Variants in SHANK2 observed in about 807,000 individuals in gnomAD.
SHANK2 encodes the protein SH3 and multiple ankyrin repeat domains protein 2.
SHANK2 carries 43 observed loss-of-function variants against 133.7 expected under a neutral mutation model. The ratio of observed to expected loss-of-function variants is 0.32; its 90% CI spans 0.25 to 0.41. SHANK2 has a LOEUF of 0.41. SHANK2 is among the 10% of genes least tolerant of loss of function. The probability of loss-of-function intolerance (pLI) is 1.00; values close to 1 mark genes in which losing one functional copy is unlikely to be tolerated. For missense variants in SHANK2, 1,994 were observed against 2,235.8 expected, an observed-to-expected ratio of 0.89 and a Z score of 2.18; for synonymous variants, 1,017 against 952.8, an observed-to-expected ratio of 1.07 and a Z score of -1.24.
intron 17 of SHANK2, among the ~76,000 whole-genome samples, chr11:70,558,737 C>T (rs965959233): frequency 1.3e-5 from 2 of 152,136 alleles, no homozygotes; most frequent in Non-Finnish European, 2.9e-5. Flanking sequence ...CAGGACTGTG[C>T]ACACCTGAGC....
At chr11:70,939,239 C>T (rs899825217) in intron 10 of SHANK2, among the ~76,000 whole-genome samples, 5 of 152,102 alleles carry the variant, frequency 3.3e-5, no homozygotes, top group Non-Finnish European at 7.4e-5. Flanking sequence ...TGTTGGGAGG[C>T]CAAGGCGGGC....
intron 10 of SHANK2, among the ~76,000 whole-genome samples, chr11:70,922,779 G>A (rs1950369340): frequency 6.6e-6 from 1 of 152,104 alleles, no homozygotes; most frequent in Admixed American, 6.6e-5. Context: ...AAGTGAGCAA[G>A]TAATAAAGAA....
chr11:70,955,422 GGTGTGTGTGTGTGT>G (rs1186144718), intron 10 of SHANK2, among the ~76,000 whole-genome samples: 3 of 146,564 alleles, frequency 2.0e-5, no homozygotes, highest in East Asian at 2.0e-4. Flanking sequence ...AGACCCACGG[GGTGTGTGTGTGTGT>G]GTGTGTGTGT....
chr11:71,250,251 T>C (rs1555125629), intron 1 of SHANK2, among the ~76,000 whole-genome samples: 2 of 152,110 alleles, frequency 1.3e-5, no homozygotes, highest in Non-Finnish European at 2.9e-5. Context: ...CCAACCTCCT[T>C]CCAAAGGGAC....
chr11:70,601,061 A>G (rs1591634304), intron 17 of SHANK2, among the ~76,000 whole-genome samples: 1 of 144,344 alleles, frequency 6.9e-6, no homozygotes, highest in African/African-American at 2.5e-5. Context: ...CTATATCTAT[A>G]TCTATATTTG....
At chr11:70,923,993 A>G (rs1299877378) in intron 10 of SHANK2, among the ~76,000 whole-genome samples, 1 of 152,204 alleles carries the variant, frequency 6.6e-6, no homozygotes, top group East Asian at 1.9e-4. Context: ...GAGACACTGC[A>G]GTGAGCCCCG....
At chr11:70,628,803 T>C (rs1255470437) in intron 17 of SHANK2, among the ~76,000 whole-genome samples, 1 of 152,130 alleles carries the variant, frequency 6.6e-6, no homozygotes, top group Non-Finnish European at 1.5e-5. Flanking sequence ...ACTGAGTGTC[T>C]AGGAAGAGTC....
intron 17 of SHANK2, among the ~76,000 whole-genome samples, chr11:70,593,832 C>T (rs1330811808): frequency 2.6e-5 from 4 of 152,258 alleles, no homozygotes; most frequent in East Asian, 1.9e-4. Context: ...TTCCTTCGTT[C>T]GTTCGTTCAT....
intron 6 of SHANK2, among the ~76,000 whole-genome samples, chr11:71,101,379 C>G (rs935306305): frequency 2.9e-4 from 44 of 152,296 alleles, no homozygotes; most frequent in African/African-American, 1.0e-3. Context: ...CATAGAAAAA[C>G]CCTGAAAGAA....
chr11:70,589,589 C>CT (rs35775502), intron 17 of SHANK2, among the ~76,000 whole-genome samples: 117,941 of 152,122 alleles, frequency 0.78, 45,926 homozygotes, highest in East Asian at 0.93. Flanking sequence ...ACTTTCAAGC[C>CT]TCATATTTAA....
intron 3 of SHANK2, among the ~76,000 whole-genome samples, chr11:71,125,687 G>A (rs113537469): frequency 0.015 from 2,258 of 152,276 alleles, 56 homozygotes; most frequent in African/African-American, 0.051. Flanking sequence ...AGAAGATCTC[G>A]CTCAGATCAT....
chr11:70,764,935 G>A (rs797040635), intron 14 of SHANK2, among the ~76,000 whole-genome samples: 1 of 152,244 alleles, frequency 6.6e-6, no homozygotes, highest in Non-Finnish European at 1.5e-5. Flanking sequence ...ATCAGAGAGG[G>A]TGTTACATAT....
At chr11:70,527,706 T>C (rs2059417499) in intron 17 of SHANK2, among the ~76,000 whole-genome samples, 1 of 152,152 alleles carries the variant, frequency 6.6e-6, no homozygotes, top group Admixed American at 6.5e-5. Flanking sequence ...TCAGGGGATG[T>C]GGTGGTGACT....
chr11:71,124,011 G>A (rs1952125055), intron 3 of SHANK2, among the ~76,000 whole-genome samples: 1 of 143,920 alleles, frequency 6.9e-6, no homozygotes. Flanking sequence ...GATGAGGGTG[G>A]TTGTAATGGT....
intron 11 of SHANK2, among the ~76,000 whole-genome samples, chr11:70,859,411 CAGATGGATCGAT>C (rs1949223082): frequency 6.6e-6 from 1 of 151,532 alleles, no homozygotes; most frequent in African/African-American, 2.4e-5. Flanking sequence ...GGTGGGTGGA[CAGATGGATCGAT>C]AGATGGATAA....
intron 17 of SHANK2, among the ~76,000 whole-genome samples, chr11:70,575,448 G>A (rs1188335200): frequency 7.3e-5 from 11 of 151,274 alleles, no homozygotes; most frequent in Non-Finnish European, 1.3e-4. Context: ...GAACCCGGGA[G>A]GCAGAGGTTG....
chr11:70,551,768 G>A (rs1237478159), intron 17 of SHANK2, among the ~76,000 whole-genome samples: 3 of 152,252 alleles, frequency 2.0e-5, no homozygotes, highest in African/African-American at 7.2e-5. Flanking sequence ...CTGGGGATGT[G>A]GTGTCTCTGC....
rs191351174 is a variant in SHANK2, at chr11:70,538,311, C to T, written c.2062-35380G>A. Among the ~76,000 whole-genome samples, 22 of 152,330 alleles carry T rather than the reference C, an allele frequency of 1.4e-4. 1 individual carries two copies. Among genetic ancestry groups the T allele is most frequent in the African/African-American group, 3.6e-4 (15 of 41,576 alleles). ...CCCCCAGAATTAGCCGACAGTGACC[C>T]GGAGGGACCAGGGGATCTGAGGCCA... On this transcript the variant is annotated intron_variant, in intron 17 of 25. Transcript: ENST00000601538.
chr11:71,222,114 A>G (rs12788874), intron 2 of SHANK2, among the ~76,000 whole-genome samples: 22 of 151,766 alleles, frequency 1.4e-4, no homozygotes, highest in Non-Finnish European at 4.4e-5. Flanking sequence ...CATCCCCAAG[A>G]GGAAAACCCC....
Sources: allele counts gnomAD v4.1 joint callset (sites outside exome capture counted in the v4.1 genomes callset), GRCh38; gene constraint gnomAD v4.1.1; transcripts MANE v1.5; gene names NCBI Gene and HGNC (gene_info 2026-07-23, HGNC 2026-07-21).